The following LRRC37A2 variants were observed in gnomAD, a reference collection of about 807,000 sequenced individuals.
LRRC37A2 encodes the protein leucine rich repeat containing 37 member A2, also known as leucine-rich repeat-containing protein 37A2.
LRRC37A2 carries 9 observed loss-of-function variants against 68.8 expected under a neutral mutation model. The observed-to-expected ratio is 0.13, with a 90% CI of 0.08 to 0.23. The LOEUF (loss-of-function observed/expected upper bound fraction) is 0.23. LRRC37A2 is among the 10% of genes least tolerant of loss of function. LRRC37A2 has a pLI of 1.00. For missense variants in LRRC37A2, 168 were observed against 950.4 expected (o/e 0.18, Z 10.82); for synonymous variants, 63 against 367.6 (o/e 0.17, Z 9.48).
the LRRC37A2 span, among the ~76,000 whole-genome samples, chr17:46,850,814 T>C: frequency 6.6e-6 from 1 of 152,224 alleles, no homozygotes; most frequent in Non-Finnish European, 1.5e-5. Flanking sequence ...TTCTGGCATC[T>C]ACACACCTTG....
chr17:46,854,931 A>C, the LRRC37A2 span, among the ~76,000 whole-genome samples: 2 of 152,134 alleles, frequency 1.3e-5, no homozygotes, highest in Non-Finnish European at 2.9e-5. Flanking sequence ...AAGTGCTGGG[A>C]TTACAGGCAT....
chr17:46,866,639 G>C, the LRRC37A2 span, among the ~76,000 whole-genome samples: 1 of 152,022 alleles, frequency 6.6e-6, no homozygotes, highest in Admixed American at 6.6e-5. Context: ...CCAGCACCCC[G>C]GGCAGCACAA....
At chr17:47,013,053 G>A in the LRRC37A2 span, among the ~76,000 whole-genome samples, 8 of 152,172 alleles carry the variant, frequency 5.3e-5, no homozygotes, top group African/African-American at 1.2e-4. Flanking sequence ...ATCATTATGC[G>A]CTCCAGCCTG....
chr17:46,745,143 A>C, the LRRC37A2 span, among the ~76,000 whole-genome samples: 3 of 152,138 alleles, frequency 2.0e-5, no homozygotes, highest in Admixed American at 6.6e-5. Flanking sequence ...TGGGTTGAGC[A>C]CCACTTTTGT....
At chr17:46,915,919 G>A in the LRRC37A2 span, among the ~76,000 whole-genome samples, 1 of 152,246 alleles carries the variant, frequency 6.6e-6, no homozygotes, top group Non-Finnish European at 1.5e-5. Flanking sequence ...GGATATATGA[G>A]TTCAGAACTC....
the LRRC37A2 span, chr17:47,017,900 TTCAC>T: frequency 6.2e-7 from 1 of 1,612,560 alleles, no homozygotes. Flanking sequence ...TCCAGTCCTC[TTCAC>T]TCCAACAAGA....
At chr17:46,475,699 T>A in the LRRC37A2 span, among the ~76,000 whole-genome samples, 2 of 77,136 alleles carry the variant, frequency 2.6e-5, 1 homozygote, top group Non-Finnish European at 7.1e-5. Context: ...TCCTCAGAGG[T>A]GCTTTCAGGG....
At chr17:46,621,946 CT>C in the LRRC37A2 span, among the ~76,000 whole-genome samples, 1 of 140,818 alleles carries the variant, frequency 7.1e-6, no homozygotes, top group South Asian at 2.2e-4. Context: ...TGGTCCTTGG[CT>C]TTTTTTAGGG....
chr17:46,933,631 C>CTTTTTTTTTT, the LRRC37A2 span: 6 of 134,734 alleles, frequency 4.5e-5, no homozygotes, highest in Non-Finnish European at 7.8e-5. Context: ...GTGGCATAAC[C>CTTTTTTTTTT]TTTTTTTTTT....
At chr17:46,601,855 G>C in the LRRC37A2 span, among the ~76,000 whole-genome samples, 1 of 150,416 alleles carries the variant, frequency 6.6e-6, no homozygotes, top group Non-Finnish European at 1.5e-5. Flanking sequence ...TGAATTCTGG[G>C]AACAACTTAA....
chr17:46,946,788 A>G, the LRRC37A2 span, among the ~76,000 whole-genome samples: 51 of 152,028 alleles, frequency 3.4e-4, no homozygotes, highest in African/African-American at 1.2e-3. Context: ...GTTTGAACCC[A>G]GGAGGCAGAG....
chr17:46,585,330 A>G, the LRRC37A2 span, among the ~76,000 whole-genome samples: 1 of 89,030 alleles, frequency 1.1e-5, no homozygotes, highest in Non-Finnish European at 2.8e-5. Flanking sequence ...AAAAAAAAAA[A>G]AAAGAGAGAG....
At chr17:46,744,480 G>A in the LRRC37A2 span, among the ~76,000 whole-genome samples, 1 of 152,142 alleles carries the variant, frequency 6.6e-6, no homozygotes. Flanking sequence ...CTTACCAAGG[G>A]TGTATTACAC....
the LRRC37A2 span, chr17:47,017,877 A>C: frequency 6.2e-7 from 1 of 1,611,690 alleles, no homozygotes; most frequent in Non-Finnish European, 8.5e-7. Flanking sequence ...AAATCCAGAG[A>C]CCCTTGAAGA....
the LRRC37A2 span, among the ~76,000 whole-genome samples, chr17:46,585,101 G>A: frequency 1.1e-5 from 1 of 94,024 alleles, no homozygotes; most frequent in South Asian, 5.0e-4. Flanking sequence ...TCAGGAGTTC[G>A]AGAGCTGTCT....
the LRRC37A2 span, chr17:46,938,540 A>T: frequency 6.2e-7 from 1 of 1,610,506 alleles, no homozygotes; most frequent in South Asian, 1.1e-5. Context: ...GATGCCATTC[A>T]CCCACTCTTG....
the LRRC37A2 span, among the ~76,000 whole-genome samples, chr17:47,011,518 C>A: frequency 1.3e-5 from 2 of 149,708 alleles, no homozygotes; most frequent in African/African-American, 4.9e-5. Flanking sequence ...TACCACTGTA[C>A]TCCAGCCTGG....
At chr17:46,460,984 C>A in the LRRC37A2 span, among the ~76,000 whole-genome samples, 2 of 49,520 alleles carry the variant, frequency 4.0e-5, 1 homozygote, top group Admixed American at 3.9e-4. Context: ...GGAGAAATAC[C>A]AAAGAACTCT....
At chr17:46,983,286 CTTCTTT>C in the LRRC37A2 span, among the ~76,000 whole-genome samples, 1 of 123,372 alleles carries the variant, frequency 8.1e-6, no homozygotes, top group Non-Finnish European at 1.7e-5. Context: ...TCTGCCCTTT[CTTCTTT>C]TTTTTTTTTT....
Sources: allele counts gnomAD v4.1 joint callset (sites outside exome capture counted in the v4.1 genomes callset), GRCh38; gene constraint gnomAD v4.1.1; transcripts MANE v1.5; gene names NCBI Gene and HGNC (gene_info 2026-07-23, HGNC 2026-07-21).